The following LAMB1 variants were observed in gnomAD, a reference collection of about 807,000 sequenced individuals.
LAMB1 encodes laminin subunit beta-1.
In LAMB1, 121 loss-of-function variants were observed where a neutral mutation model predicts 222.3. That is an observed-to-expected ratio of 0.54 (90% CI 0.47 to 0.63). The LOEUF (loss-of-function observed/expected upper bound fraction) is 0.63. Among genes scored for constraint, LAMB1 ranks in the 30% least tolerant of loss-of-function variants. The pLI, the probability that LAMB1 is intolerant of heterozygous loss-of-function variation, is 0.00. For missense variants in LAMB1, 2,172 were observed against 2,240.8 expected (o/e 0.97, Z 0.62); for synonymous variants, 794 against 807.2 (o/e 0.98, Z 0.28).
Position 107,924,323 on chromosome 7 carries a change from CTTCAGTTT to C in LAMB1, c.5123_5130del (p.Lys1708ArgfsTer4), listed in dbSNP as rs1394292090. 6.2e-7 allele frequency: 1 copy of C among 1,612,788 alleles called. No homozygotes were observed. Among genetic ancestry groups the C allele is most frequent in the African/African-American group, 1.3e-5 (1 of 74,830 alleles). ...GCTTTCCTTCTGGCATCAGCTGACT[CTTCAGTTT>C]TTTTGGCAATTAAATTTTCTACTTT... On this transcript the variant is annotated frameshift_variant, in exon 33 of 34. Coordinates refer to ENST00000222399, the MANE Select transcript of LAMB1 (RefSeq NM_002291.3). LOFTEE classifies it high-confidence loss of function.
chr7:108,001,870 G>C (rs1298240960), intron 2 of LAMB1, 137 bp from the exon 3 acceptor site: 3 of 1,491,460 alleles, frequency 2.0e-6, no homozygotes, highest in East Asian at 5.0e-5. Flanking sequence ...GCACAGAAAA[G>C]ACAATGGAGA....
rs752043017 is a variant in LAMB1, at chr7:108,001,623, G to A, written c.148C>T (p.Leu50Phe). 6.2e-7 allele frequency: 1 copy of A among 1,613,140 alleles called. No individual in the cohort carries two copies. The highest frequency in any genetic ancestry group is 1.1e-5 in the South Asian group (1 of 90,960). Reference sequence around the variant, plus strand: ...AGCCCGCACGTCGAGGTCACCGAAAGCTTCTGTGCTCGGCCGATGAGAAGG... The same window carrying A: ...AGCCCGCACGTCGAGGTCACCGAAAACTTCTGTGCTCGGCCGATGAGAAGG... ...GDLLIGRAQK[L>F]SVTSTCGLHK... The change falls in exon 3 of 34, where the codon CTT becomes TTT. Residue 50 changes from leucine to phenylalanine, a missense_variant. Transcript: ENST00000222399.
chr7:108,001,635 G>T lies in LAMB1; in HGVS notation c.136C>A (p.Arg46=). The T allele has an allele frequency of 6.2e-7, 1 of 1,613,228 alleles. No homozygotes were observed. Among genetic ancestry groups the T allele is most frequent in the Non-Finnish European group, 8.5e-7 (1 of 1,179,880 alleles). Residue 46 remains arginine, a synonymous_variant, in exon 3 of 34, where the codon CGA becomes AGA. Transcript: ENST00000222399. ...GAGGTCACCGAAAGCTTCTGTGCTCGGCCGATGAGAAGGTCGCCCGTGGCG... is the reference window on the plus strand; with the variant it reads ...GAGGTCACCGAAAGCTTCTGTGCTCTGCCGATGAGAAGGTCGCCCGTGGCG... ...YPATGDLLIG[R]AQKLSVTSTC...
chr7:107,948,162 T>G (rs2033161113), intron 24 of LAMB1, among the ~76,000 whole-genome samples: 1 of 152,032 alleles, frequency 6.6e-6, no homozygotes. Flanking sequence ...AATTTTCGTA[T>G]TTTTAGTAGA....
intron 20 of LAMB1, among the ~76,000 whole-genome samples, chr7:107,956,668 T>A (rs1464462400): frequency 6.6e-6 from 1 of 152,208 alleles, no homozygotes; most frequent in African/African-American, 2.4e-5. Flanking sequence ...GGGTGATGTG[T>A]TGGCAAGCCC....
Position 107,964,535 on chromosome 7 carries a change from C to T in LAMB1, c.1698+17G>A. On this transcript the variant is annotated intron_variant, in intron 14 of 33. Transcript: ENST00000222399. ...AAAACACTGCTTTACCGACCTGCCACACACTCCCCTACTCACAGGCCCCAA... is the reference window on the plus strand; with the variant it reads ...AAAACACTGCTTTACCGACCTGCCATACACTCCCCTACTCACAGGCCCCAA... The T allele has an allele frequency of 1.9e-6, 3 of 1,614,096 alleles. No homozygotes were observed. The highest frequency in any genetic ancestry group is 2.5e-6 in the Non-Finnish European group (3 of 1,179,970).
intron 29 of LAMB1, 56 bp downstream of exon 29, chr7:107,931,300 A>G: frequency 6.8e-7 from 1 of 1,479,102 alleles, no homozygotes; most frequent in East Asian, 2.3e-5. Flanking sequence ...TCTAAAATGT[A>G]AACAGAGAAT....
chr7:107,949,648 T>C (rs1213658052), intron 24 of LAMB1, among the ~76,000 whole-genome samples: 5 of 152,220 alleles, frequency 3.3e-5, no homozygotes, highest in Admixed American at 6.5e-5. Flanking sequence ...TACCTGTTTA[T>C]TGACATAGCA....
In LAMB1 at chr7:107,963,037, A is replaced by C; in HGVS notation, c.1725T>G (p.Tyr575Ter). Residue 575 changes from tyrosine (Y) to a stop codon, truncating the protein, a stop_gained, in exon 15 of 34, where the codon TAT (tyrosine) becomes TAG (stop). Transcript: ENST00000222399. LOFTEE classifies it high-confidence loss of function. The stretch of plus-strand genomic sequence containing the variant: ...TCCAGGAGGGAATCCGGTCCTGGAT[A>C]TATTGCCGCTCCACTATGCTAACCC... ...GPGVSIVERQ[Y>*]IQDRIPSWTG... 1 of 1,613,560 alleles carries C rather than the reference A, an allele frequency of 6.2e-7. No homozygotes were observed. Among genetic ancestry groups the C allele is most frequent in the Non-Finnish European group, 8.5e-7 (1 of 1,179,654 alleles).
At chr7:107,932,589 C>T in intron 27 of LAMB1, 1 of 593,796 alleles carries the variant, frequency 1.7e-6, no homozygotes, top group African/African-American at 1.9e-5. Context: ...TGGAAGTTTA[C>T]AACTCATCAA....
chr7:107,948,225 G>A (rs528823901), intron 24 of LAMB1, among the ~76,000 whole-genome samples: 1 of 152,270 alleles, frequency 6.6e-6, no homozygotes, highest in Non-Finnish European at 1.5e-5. Context: ...GACCTCAAGT[G>A]ATCCGCCCGC....
chr7:107,954,865 T>A (rs2033341651), intron 21 of LAMB1, among the ~76,000 whole-genome samples: 1 of 152,160 alleles, frequency 6.6e-6, no homozygotes, highest in South Asian at 2.1e-4. Context: ...AAAAATGGGA[T>A]CTTTAATGAT....
chr7:107,997,406 G>A (rs182362444), intron 4 of LAMB1, among the ~76,000 whole-genome samples: 1 of 152,304 alleles, frequency 6.6e-6, no homozygotes, highest in East Asian at 1.9e-4. Context: ...CTAGGTGAAA[G>A]AGGGAGACTC....
chr7:107,924,149 A>AGTGAATATATTTTTCACTTATT, intron 33 of LAMB1, 62 bp from the exon 34 acceptor site: 1 of 1,530,202 alleles, frequency 6.5e-7, no homozygotes, highest in Non-Finnish European at 8.7e-7. Context: ...CTCAAGACAA[A>AGTGAATATATTTTTCACTTATT]GTGAATATAT....
rs1184982300 is a variant in LAMB1 at position 107,924,388 on chromosome 7, G to A, written c.5066C>T (p.Thr1689Ile). 7 of 1,600,734 alleles carry A rather than the reference G, an allele frequency of 4.4e-6. No homozygotes were observed. Among genetic ancestry groups the A allele is most frequent in the Non-Finnish European group, 6.0e-6 (7 of 1,172,618 alleles). Residue 1689 changes from threonine to isoleucine, a missense_variant and splice_region_variant, in exon 33 of 34, where the codon ACT becomes ATT. Coordinates refer to ENST00000222399, the MANE Select transcript of LAMB1 (RefSeq NM_002291.3). ...VKQSAEDVKK[T>I]LDGELDEKYK... Reference sequence around the variant, plus strand: ...CTTTTCATCAAGTTCACCATCTAAAGTCTATAGTTCCACATTTAGACAGAA... The same window carrying A: ...CTTTTCATCAAGTTCACCATCTAAAATCTATAGTTCCACATTTAGACAGAA...
intron 32 of LAMB1, 115 bp downstream of exon 32, chr7:107,926,053 AAACAGGTCATTTGAT>A: frequency 1.5e-6 from 1 of 688,910 alleles, no homozygotes. Context: ...GGCTGTTGCA[AAACAGGTCATTTGAT>A]ATTTCTGATG....
intron 20 of LAMB1, among the ~76,000 whole-genome samples, chr7:107,957,926 C>G (rs1372670801): frequency 6.6e-6 from 1 of 152,052 alleles, no homozygotes; most frequent in Non-Finnish European, 1.5e-5. Context: ...TTCTCAAAAC[C>G]CTTTACAAAT....
At chr7:107,999,174 G>A (rs892954341) in intron 3 of LAMB1, among the ~76,000 whole-genome samples, 2 of 152,236 alleles carry the variant, frequency 1.3e-5, no homozygotes, top group Non-Finnish European at 1.5e-5. Flanking sequence ...CTAGGATGAA[G>A]ATAGACTGTA....
intron 2 of LAMB1, chr7:108,002,193 T>A: frequency 7.2e-7 from 1 of 1,380,212 alleles, no homozygotes; most frequent in Non-Finnish European, 9.6e-7. Flanking sequence ...CGCGTGGAGA[T>A]CTGTGAGCTT....
Sources: allele counts gnomAD v4.1 joint callset (sites outside exome capture counted in the v4.1 genomes callset), GRCh38; gene constraint gnomAD v4.1.1; transcripts MANE v1.5; gene names NCBI Gene and HGNC (gene_info 2026-07-23, HGNC 2026-07-21).